TMEM178B: variants seen among roughly 807,000 people sequenced by gnomAD.
The protein encoded by TMEM178B is transmembrane protein 178B.
Under a neutral mutation model 31.0 loss-of-function variants are expected in TMEM178B, and 5 were observed. The ratio of observed to expected loss-of-function variants is 0.16; its 90% CI spans 0.08 to 0.34. The LOEUF (loss-of-function observed/expected upper bound fraction) is 0.34, where lower values mean the gene tolerates loss of function less well. Ranked by LOEUF, TMEM178B falls within the 10% of genes least tolerant of loss-of-function variation. The pLI, the probability that TMEM178B is intolerant of heterozygous loss-of-function variation, is 1.00. For missense variants in TMEM178B, 275 were observed against 400.3 expected (o/e 0.69, Z 2.67); for synonymous variants, 164 against 164.0 (o/e 1.00, Z 0.00).
intron 1 of TMEM178B, among the ~76,000 whole-genome samples, chr7:141,182,960 C>G (rs1282011732): frequency 6.6e-6 from 1 of 152,196 alleles, no homozygotes; most frequent in African/African-American, 2.4e-5. Context: ...CGAACTAATA[C>G]AGCTTTGAAT....
intron 1 of TMEM178B, among the ~76,000 whole-genome samples, chr7:141,078,074 G>A (rs989460904): frequency 2.0e-5 from 3 of 152,138 alleles, no homozygotes; most frequent in African/African-American, 7.2e-5. Context: ...TGGCATCCAT[G>A]ACAAGTCTTA....
chr7:141,091,969 C>T (rs1794888212), intron 1 of TMEM178B, among the ~76,000 whole-genome samples: 1 of 152,150 alleles, frequency 6.6e-6, no homozygotes, highest in South Asian at 2.1e-4. Context: ...CTCAAGTGAT[C>T]CACCCACCTC....
intron 1 of TMEM178B, among the ~76,000 whole-genome samples, chr7:141,190,937 G>C (rs942692500): frequency 6.6e-6 from 1 of 152,026 alleles, no homozygotes; most frequent in African/African-American, 2.4e-5. Flanking sequence ...GTGGTATACT[G>C]AGTCCTCACT....
intron 2 of TMEM178B, among the ~76,000 whole-genome samples, chr7:141,323,848 G>A (rs117665660): frequency 0.014 from 2,124 of 152,246 alleles, 36 homozygotes; most frequent in Non-Finnish European, 0.02. Flanking sequence ...GCATGGAAAG[G>A]GATATGAAGT....
intron 1 of TMEM178B, among the ~76,000 whole-genome samples, chr7:141,094,471 T>C (rs1794927211): frequency 6.6e-6 from 1 of 152,222 alleles, no homozygotes; most frequent in Admixed American, 6.5e-5. Context: ...GCATTTGCTT[T>C]ATAAAAAGGA....
chr7:141,494,041 C>T, the TMEM178B span, among the ~76,000 whole-genome samples: 1 of 152,180 alleles, frequency 6.6e-6, no homozygotes, highest in Admixed American at 6.5e-5. Context: ...TTCCCCCCTC[C>T]CCATTTCCCA....
intron 1 of TMEM178B, among the ~76,000 whole-genome samples, chr7:141,163,444 A>C (rs933552490): frequency 3.9e-5 from 6 of 152,088 alleles, no homozygotes; most frequent in African/African-American, 1.4e-4. Flanking sequence ...TAGCAAAGAG[A>C]AGGGTGAAGA....
At chr7:141,372,871 G>A (rs549483097) in intron 2 of TMEM178B, among the ~76,000 whole-genome samples, 35 of 152,300 alleles carry the variant, frequency 2.3e-4, no homozygotes, top group Non-Finnish European at 4.0e-4. Flanking sequence ...CATCTGAGCC[G>A]TCCAGGCTTG....
At chr7:141,079,968 T>C (rs1038590766) in intron 1 of TMEM178B, among the ~76,000 whole-genome samples, 1 of 152,194 alleles carries the variant, frequency 6.6e-6, no homozygotes, top group African/African-American at 2.4e-5. Context: ...CACCACACTC[T>C]ACCATCATCT....
At chr7:141,231,000 G>T (rs1235683643) in intron 2 of TMEM178B, among the ~76,000 whole-genome samples, 2 of 152,124 alleles carry the variant, frequency 1.3e-5, no homozygotes, top group South Asian at 4.1e-4. Context: ...CAGGGCTAAA[G>T]AAATGGACAA....
chr7:141,321,465 A>C (rs7807179), intron 2 of TMEM178B, among the ~76,000 whole-genome samples: 50,500 of 152,056 alleles, frequency 0.33, 10,800 homozygotes, highest in African/African-American at 0.6. Context: ...AGACTTCTCA[A>C]GGAAGCCACA....
chr7:141,327,906 G>A (rs1050945997), intron 2 of TMEM178B, among the ~76,000 whole-genome samples: 10 of 152,290 alleles, frequency 6.6e-5, no homozygotes, highest in Admixed American at 2.0e-4. Context: ...CTAAGTGTAA[G>A]TCAGTAACAC....
intron 2 of TMEM178B, among the ~76,000 whole-genome samples, chr7:141,350,027 C>G (rs1799689420): frequency 6.6e-6 from 1 of 152,112 alleles, no homozygotes; most frequent in African/African-American, 2.4e-5. Context: ...ATCTATCTGT[C>G]CATCCATCCA....
intron 2 of TMEM178B, among the ~76,000 whole-genome samples, chr7:141,251,298 C>A (rs1363689558): frequency 6.6e-6 from 1 of 151,816 alleles, no homozygotes; most frequent in Non-Finnish European, 1.5e-5. Context: ...ATCAGAGAAG[C>A]ATTAAAGAAT....
In TMEM178B at chr7:141,171,429, T is replaced by C. The variant is rs901664744; in HGVS notation, c.383-41162T>C. ...ATCGTTTTTACTGACTGGGAAACAG[T>C]CTGGGAGCTCAAGTAACTTGCCCAC... On this transcript the variant is annotated intron_variant, in intron 1 of 3. Coordinates refer to ENST00000565468, the MANE Select transcript of TMEM178B (RefSeq NM_001195278.2). This position sits in a 1 kb window ranked among gnomAD's most constrained non-coding sequence, Gnocchi z 4.3. Among the ~76,000 whole-genome samples the C allele has an allele frequency of 2.0e-5, 3 of 152,222 alleles. No homozygotes were observed. The highest frequency in any genetic ancestry group is 7.2e-5 in the African/African-American group (3 of 41,456).
At chr7:141,345,162 C>T (rs1370856533) in intron 2 of TMEM178B, among the ~76,000 whole-genome samples, 1 of 152,148 alleles carries the variant, frequency 6.6e-6, no homozygotes, top group Non-Finnish European at 1.5e-5. Context: ...TCTCACTTTT[C>T]CATTTATATA....
At chr7:141,384,224 T>C (rs2116592792) in intron 2 of TMEM178B, among the ~76,000 whole-genome samples, 1 of 152,306 alleles carries the variant, frequency 6.6e-6, no homozygotes, top group African/African-American at 2.4e-5. Context: ...TTAGTTTAAT[T>C]AGATCCCATT....
intron 2 of TMEM178B, among the ~76,000 whole-genome samples, chr7:141,306,460 C>G (rs764244660): frequency 3.3e-5 from 5 of 152,140 alleles, no homozygotes; most frequent in Admixed American, 1.3e-4. Context: ...GAAAAGGTGT[C>G]CGCTTTCTGA....
chr7:141,128,257 A>T (rs981988091), intron 1 of TMEM178B, among the ~76,000 whole-genome samples: 1 of 152,212 alleles, frequency 6.6e-6, no homozygotes, highest in Non-Finnish European at 1.5e-5. Context: ...TGGTCTTGTC[A>T]GTATTAAGTC....
Sources: gnomAD v4.1 joint callset for allele counts (sites outside exome capture counted in the v4.1 genomes callset) on GRCh38, gnomAD v4.1.1 for gene constraint, Gnocchi (gnomAD v3.1) non-coding constraint, MANE v1.5 for transcripts, NCBI Gene and HGNC (gene_info 2026-07-23, HGNC 2026-07-21) for gene names.